The following CCSER1 variants were observed in gnomAD, a reference collection of about 807,000 sequenced individuals.
The protein encoded by CCSER1 is serine-rich coiled-coil domain-containing protein 1.
CCSER1 carries 41 observed loss-of-function variants against 82.0 expected under a neutral mutation model. The observed-to-expected ratio is 0.50, with a 90% CI of 0.39 to 0.65. The LOEUF (loss-of-function observed/expected upper bound fraction) is 0.65, where lower values mean the gene tolerates loss of function less well. Among genes scored for constraint, CCSER1 ranks in the 30% least tolerant of loss-of-function variants. CCSER1 has a pLI of 0.00. For synonymous variants in CCSER1, 414 were observed against 383.9 expected, an observed-to-expected ratio of 1.08 and a Z score of -0.92; for missense variants, 1,119 against 1,064.2, an observed-to-expected ratio of 1.05 and a Z score of -0.72.
chr4:90,444,624 G>A (rs749610954), intron 4 of CCSER1, among the ~76,000 whole-genome samples: 4 of 151,880 alleles, frequency 2.6e-5, no homozygotes, highest in African/African-American at 9.7e-5. Context: ...TTCTATGATG[G>A]CAGGTTAGTA....
intron 7 of CCSER1, among the ~76,000 whole-genome samples, chr4:90,760,900 G>A (rs922219517): frequency 6.6e-6 from 1 of 152,032 alleles, no homozygotes; most frequent in African/African-American, 2.4e-5. Context: ...TGTGGTAATA[G>A]AGAAGTAATA....
intron 10 of CCSER1, among the ~76,000 whole-genome samples, chr4:91,398,920 G>A (rs1752154278): frequency 6.6e-6 from 1 of 151,864 alleles, no homozygotes; most frequent in South Asian, 2.1e-4. Flanking sequence ...AGTGTTTGAG[G>A]AGCACTAGTC....
chr4:90,460,407 A>G (rs1307059096), intron 4 of CCSER1, among the ~76,000 whole-genome samples: 1 of 151,408 alleles, frequency 6.6e-6, no homozygotes. Context: ...ATTATAATAG[A>G]CCTGATATAT....
chr4:91,122,784 A>G (rs1208263158), intron 10 of CCSER1, among the ~76,000 whole-genome samples: 2 of 151,734 alleles, frequency 1.3e-5, no homozygotes, highest in African/African-American at 4.8e-5. Context: ...TACAAAAGGG[A>G]TGAGGAGCTG....
chr4:90,308,991 A>G lies in CCSER1; in HGVS notation c.707A>G (p.Glu236Gly). 6.2e-7 allele frequency: 1 copy of G among 1,613,806 alleles called. No homozygotes were observed. The highest frequency in any genetic ancestry group is 1.1e-5 in the South Asian group (1 of 91,074). Reference sequence around the variant, plus strand: ...CCATCCTGTTCTGTGGATGTAACAGAACGGGCAGGAAGCTCTTTACAATCT... The same window carrying G: ...CCATCCTGTTCTGTGGATGTAACAGGACGGGCAGGAAGCTCTTTACAATCT... ...ASPSCSVDVT[E>G]RAGSSLQSPL... Residue 236 changes from glutamate to glycine, a missense_variant, in exon 2 of 11, where the codon GAA (glutamate) becomes GGA (glycine). Coordinates refer to ENST00000509176, the MANE Select transcript of CCSER1 (RefSeq NM_001145065.2).
chr4:91,278,260 C>A (rs1222528050), intron 10 of CCSER1, among the ~76,000 whole-genome samples: 1 of 151,962 alleles, frequency 6.6e-6, no homozygotes, highest in African/African-American at 2.4e-5. Context: ...TGGTCTAATG[C>A]TGACAGTAGG....
At chr4:91,040,117 C>A (rs1903501) in intron 9 of CCSER1, among the ~76,000 whole-genome samples, 22,642 of 152,080 alleles carry the variant, frequency 0.15, 1,880 homozygotes, top group African/African-American at 0.21. Context: ...TAGCTACATA[C>A]TACTTTCTCA....
intron 10 of CCSER1, among the ~76,000 whole-genome samples, chr4:91,547,056 T>C (rs955916051): frequency 1.1e-4 from 16 of 151,902 alleles, no homozygotes; most frequent in Admixed American, 6.6e-5. Context: ...GCTATCCTTC[T>C]GTTACTAATT....
At chr4:90,730,416 G>T (rs758787896) in intron 7 of CCSER1, among the ~76,000 whole-genome samples, 1 of 152,092 alleles carries the variant, frequency 6.6e-6, no homozygotes, top group Non-Finnish European at 1.5e-5. Context: ...AGCCATCTAT[G>T]CATTCAAGGA....
chr4:90,839,116 G>A (rs903124226), intron 8 of CCSER1: 22 of 1,034,300 alleles, frequency 2.1e-5, no homozygotes, highest in Admixed American at 6.0e-5. Context: ...CCGAGTTGTC[G>A]CCATAATATT....
intron 5 of CCSER1, among the ~76,000 whole-genome samples, chr4:90,522,630 A>T (rs1026111509): frequency 6.6e-6 from 1 of 152,136 alleles, no homozygotes; most frequent in African/African-American, 2.4e-5. Context: ...GCATAAAATC[A>T]TCACTTCTGT....
intron 9 of CCSER1, among the ~76,000 whole-genome samples, chr4:91,073,200 G>T (rs76982269): frequency 0.021 from 3,182 of 152,098 alleles, 137 homozygotes; most frequent in African/African-American, 0.073. Flanking sequence ...GCTGTTCTTT[G>T]TATTTCAATA....
chr4:90,505,728 A>G (rs556722126), intron 5 of CCSER1, among the ~76,000 whole-genome samples: 1 of 152,224 alleles, frequency 6.6e-6, no homozygotes, highest in African/African-American at 2.4e-5. Context: ...CACTGATGGG[A>G]GTTTCCTTTA....
chr4:90,184,185 A>G (rs898222778), intron 1 of CCSER1, among the ~76,000 whole-genome samples: 1 of 152,134 alleles, frequency 6.6e-6, no homozygotes, highest in Non-Finnish European at 1.5e-5. Context: ...TTATTATTAC[A>G]TTAGTTGATT....
At chr4:90,796,059 G>A (rs1755969151) in intron 7 of CCSER1, among the ~76,000 whole-genome samples, 1 of 151,716 alleles carries the variant, frequency 6.6e-6, no homozygotes, top group African/African-American at 2.4e-5. Context: ...ATAGTTTCAG[G>A]AAGAAACATA....
chr4:90,508,738 C>A (rs934743547), intron 5 of CCSER1, among the ~76,000 whole-genome samples: 1 of 151,890 alleles, frequency 6.6e-6, no homozygotes, highest in African/African-American at 2.4e-5. Context: ...TTACTGGTAA[C>A]CGGGTGATCT....
chr4:91,267,134 T>A (rs928632984), intron 10 of CCSER1, among the ~76,000 whole-genome samples: 27 of 152,196 alleles, frequency 1.8e-4, no homozygotes, highest in Admixed American at 1.6e-3. Context: ...TAGGTAAAGT[T>A]AAAAAGTAGG....
At chr4:91,409,652 T>C (rs1246989127) in intron 10 of CCSER1, among the ~76,000 whole-genome samples, 1 of 152,202 alleles carries the variant, frequency 6.6e-6, no homozygotes, top group Non-Finnish European at 1.5e-5. Flanking sequence ...TGAATATTAC[T>C]CTTAAAGTAA....
At chr4:91,285,380 T>C (rs931143581) in intron 10 of CCSER1, among the ~76,000 whole-genome samples, 3 of 151,726 alleles carry the variant, frequency 2.0e-5, no homozygotes, top group Non-Finnish European at 4.4e-5. Context: ...TTTGGGGAAC[T>C]GTGAATTTAT....
Sources: allele counts gnomAD v4.1 joint callset (sites outside exome capture counted in the v4.1 genomes callset), GRCh38; gene constraint gnomAD v4.1.1; transcripts MANE v1.5; gene names NCBI Gene and HGNC (gene_info 2026-07-23, HGNC 2026-07-21).